WDR41: variants seen among roughly 807,000 people sequenced by gnomAD.
The protein encoded by WDR41 is WD repeat-containing protein 41.
WDR41 carries 63 observed loss-of-function variants against 69.3 expected under a neutral mutation model. The observed-to-expected ratio is 0.91, with a 90% CI of 0.74 to 1.12. The LOEUF is 1.12. WDR41 is among the 50% of genes most tolerant of loss of function. The pLI, the probability that WDR41 is intolerant of heterozygous loss-of-function variation, is 0.00. For synonymous variants in WDR41, 185 were observed against 192.1 expected (o/e 0.96, Z 0.31); for missense variants, 543 against 534.5 (o/e 1.02, Z -0.16).
At chr5:77,556,338 C>T (rs1437816023) in intron 1 of WDR41, among the ~76,000 whole-genome samples, 5 of 151,780 alleles carry the variant, frequency 3.3e-5, no homozygotes, top group African/African-American at 1.2e-4. Context: ...CTCCTGACCT[C>T]AAGTAATCCA....
chr5:77,489,390 G>A (rs1801664732), intron 2 of WDR41, 67 bp downstream of exon 2: 9 of 898,114 alleles, frequency 1.0e-5, no homozygotes. Flanking sequence ...TTTTAAAGGT[G>A]TTTAACATAA....
At chr5:77,492,442 G>C, upstream of WDR41, 1 of 492,938 alleles carries the variant, frequency 2.0e-6, no homozygotes, top group Non-Finnish European at 3.4e-6. Context: ...TTGGGCAGTC[G>C]CTTGGGGTGC....
At chr5:77,434,311 C>A (rs751062211) in intron 12 of WDR41, among the ~76,000 whole-genome samples, 2 of 150,758 alleles carry the variant, frequency 1.3e-5, no homozygotes, top group Admixed American at 6.6e-5. Context: ...AACTCCCTCT[C>A]GGGAAAAAAA....
At chr5:77,453,177 A>C (rs1331803422) in intron 6 of WDR41, among the ~76,000 whole-genome samples, 4 of 152,200 alleles carry the variant, frequency 2.6e-5, no homozygotes, top group African/African-American at 9.6e-5. Context: ...TGAAATATCA[A>C]CAACATGCAC....
intron 5 of WDR41, among the ~76,000 whole-genome samples, chr5:77,458,520 T>C (rs1246895433): frequency 6.6e-6 from 1 of 152,164 alleles, no homozygotes; most frequent in Non-Finnish European, 1.5e-5. Flanking sequence ...AACCAAGTCT[T>C]ATCTATGTTT....
chr5:77,509,598 A>G (rs971541507), intron 1 of WDR41, among the ~76,000 whole-genome samples: 1 of 152,222 alleles, frequency 6.6e-6, no homozygotes, highest in Non-Finnish European at 1.5e-5. Context: ...GGCAGTCACA[A>G]AGACCACATG....
At chr5:77,595,576 G>C (rs4279318) in intron 1 of WDR41, among the ~76,000 whole-genome samples, 57,731 of 151,948 alleles carry the variant, frequency 0.38, 11,436 homozygotes, top group African/African-American at 0.47. Context: ...ATTTTGTCCC[G>C]CATTTCCACT....
chr5:77,554,287 T>A (rs997582289), intron 1 of WDR41, among the ~76,000 whole-genome samples: 2 of 151,978 alleles, frequency 1.3e-5, no homozygotes, highest in South Asian at 4.2e-4. Flanking sequence ...TGAGGGGAGG[T>A]AGGGAAGTAG....
chr5:77,452,622 G>GC (rs1164959803), intron 6 of WDR41: 1 of 152,170 alleles, frequency 6.6e-6, no homozygotes, highest in Non-Finnish European at 1.5e-5. Flanking sequence ...TAACAATCTG[G>GC]CCTCCAGTAA....
intron 5 of WDR41, 119 bp downstream of exon 5, chr5:77,458,943 G>C (rs1799934688): frequency 1.5e-6 from 1 of 666,716 alleles, no homozygotes; most frequent in Non-Finnish European, 2.6e-6. Context: ...ATGACTACAA[G>C]TGTGTGGAAA....
chr5:77,526,263 C>T (rs1024086230), intron 1 of WDR41, among the ~76,000 whole-genome samples: 8 of 151,528 alleles, frequency 5.3e-5, no homozygotes, highest in South Asian at 2.1e-4. Context: ...ATTATGTCTA[C>T]GTCATTTCAA....
chr5:77,469,686 G>A (rs558369271), intron 2 of WDR41, among the ~76,000 whole-genome samples: 2 of 151,906 alleles, frequency 1.3e-5, no homozygotes, highest in Non-Finnish European at 2.9e-5. Flanking sequence ...TATCAGTGAT[G>A]GAAGATCAAA....
At chr5:77,530,577 G>GA (rs555522172) in intron 1 of WDR41, among the ~76,000 whole-genome samples, 422 of 151,686 alleles carry the variant, frequency 2.8e-3, no homozygotes, top group African/African-American at 9.7e-3. Flanking sequence ...ATCTATAGTG[G>GA]AAAAAAACTT....
At chr5:77,489,652 A>T in intron 1 of WDR41, 80 bp from the exon 2 acceptor site, 2 of 854,930 alleles carry the variant, frequency 2.3e-6, no homozygotes, top group South Asian at 3.2e-5. Flanking sequence ...ATATTGGAAT[A>T]TAACTCCATG....
At chr5:77,546,387 A>G (rs975902556) in intron 1 of WDR41, 3 of 201,990 alleles carry the variant, frequency 1.5e-5, no homozygotes, top group Non-Finnish European at 3.0e-5. Context: ...ATTAACCAAG[A>G]AAAGAAGAGC....
Position 77,569,472 on chromosome 5 carries a change from A to G in WDR41, c.42+51007T>C, listed in dbSNP as rs973383859. ...TATGAGAAAAATATACCGTATGCCTATCAACCACCCAGAGCTCTCATGGAA... is the reference window on the plus strand; with the variant it reads ...TATGAGAAAAATATACCGTATGCCTGTCAACCACCCAGAGCTCTCATGGAA... On this transcript the variant is annotated intron_variant, in intron 1 of 5. Coordinates refer to the WDR41 transcript ENST00000509971. 1.6e-4 allele frequency among the ~76,000 whole-genome samples: 24 copies of G among 152,168 alleles called. 1 individual carries two copies. Among genetic ancestry groups the G allele is most frequent in the Non-Finnish European group, 5.9e-5 (4 of 68,026 alleles).
At chr5:77,616,266 T>C (rs764261657) in intron 1 of WDR41, among the ~76,000 whole-genome samples, 1 of 152,156 alleles carries the variant, frequency 6.6e-6, no homozygotes, top group Admixed American at 6.5e-5. Context: ...TCTCAGTAAC[T>C]AGCCTGTGAT....
intron 10 of WDR41, 21 bp from the exon 11 acceptor site, chr5:77,437,445 T>C: frequency 6.2e-7 from 1 of 1,606,888 alleles, no homozygotes. Context: ...AGAAAATCAG[T>C]AATACAAAAA....
At chr5:77,589,732 C>T (rs1195221495) in intron 1 of WDR41, among the ~76,000 whole-genome samples, 1 of 151,988 alleles carries the variant, frequency 6.6e-6, no homozygotes, top group East Asian at 1.9e-4. Context: ...TGTATCTGTA[C>T]TTCTAAAATT....
Sources: allele counts gnomAD v4.1 joint callset (sites outside exome capture counted in the v4.1 genomes callset), GRCh38; gene constraint gnomAD v4.1.1; transcripts MANE v1.5; gene names NCBI Gene and HGNC (gene_info 2026-07-23, HGNC 2026-07-21).